The following IFT172 variants were observed in gnomAD, a reference collection of about 807,000 sequenced individuals.
IFT172 encodes intraflagellar transport protein 172 homolog.
In IFT172, 164 loss-of-function variants were observed where a neutral mutation model predicts 248.9. That is an observed-to-expected ratio of 0.66 (90% CI 0.58 to 0.75). The LOEUF (loss-of-function observed/expected upper bound fraction) is 0.75. Among genes scored for constraint, IFT172 ranks in the 30% least tolerant of loss-of-function variants. The pLI is 0.00. For missense variants in IFT172, 1,950 were observed against 2,192.4 expected (o/e 0.89, Z 2.21); for synonymous variants, 729 against 791.6 (o/e 0.92, Z 1.33).
Position 27,458,878 on chromosome 2 carries a change from A to T in IFT172, c.2788-10T>A. The T allele has an allele frequency of 6.2e-7, 1 of 1,613,748 alleles. No homozygotes were observed. Among genetic ancestry groups the T allele is most frequent in the Non-Finnish European group, 8.5e-7 (1 of 1,179,902 alleles). ...AGAGCTCCTCAGCAATCTGTAGTTG[A>T]TGGGAGGTAGATACAAAAGGTCAGA... On this transcript the variant is annotated splice_polypyrimidine_tract_variant and intron_variant, in intron 25 of 47. Transcript: ENST00000260570.
Position 27,454,565 on chromosome 2 carries a change from A to G in IFT172, c.3465+2T>C. On this transcript the variant is annotated splice_donor_variant, in intron 31 of 47. Coordinates refer to ENST00000260570, the MANE Select transcript of IFT172 (RefSeq NM_015662.3). LOFTEE classifies it high-confidence loss of function. This position sits in a 1 kb window ranked among gnomAD's most constrained non-coding sequence, Gnocchi z 4.2. ...CGGTCGGGGTCCAAATCACACCCAT[A>G]CCTCATCCTCCAGGAACATAGCATA... 6.2e-7 allele frequency: 1 copy of G among 1,613,804 alleles called. No homozygotes were observed.
intron 12 of IFT172, 39 bp downstream of exon 12, chr2:27,477,520 G>A: frequency 6.9e-7 from 1 of 1,442,084 alleles, no homozygotes; most frequent in Non-Finnish European, 9.8e-7. Flanking sequence ...CTAGAAGGAG[G>A]CTTATCAAGA....
chr2:27,479,752 G>A (rs913096317), intron 9 of IFT172, 148 bp from the exon 10 acceptor site: 4 of 712,178 alleles, frequency 5.6e-6, no homozygotes, highest in East Asian at 2.7e-5. Flanking sequence ...TTACCAAAAG[G>A]AAAGAGGCTA....
At position 27,445,380 on chromosome 2, in the gene IFT172, G is replaced by C; in HGVS notation, c.4984C>G (p.Leu1662Val). Residue 1662 changes from leucine to valine, a missense_variant, in exon 46 of 48, where the codon CTG (leucine) becomes GTG (valine). This residue lies in a region of IFT172 where 620 missense variants were observed against 699.0 expected (regional missense o/e 0.89). Transcript: ENST00000260570. This position sits in a 1 kb window ranked among gnomAD's most constrained non-coding sequence, Gnocchi z 4.4. ...TAGGCGCCACGCTCATCCCGAGGCA[G>C]AACCTGCTCCAGCCGCTGGTCCATG... The part of the protein sequence containing the change: ...VSMDQRLEQV[L>V]PRDERGAYEA... 1.2e-6 allele frequency: 2 copies of C among 1,613,030 alleles called. No individual in the cohort carries two copies. The highest frequency in any genetic ancestry group is 1.7e-6 in the Non-Finnish European group (2 of 1,179,662).
intron 23 of IFT172, among the ~76,000 whole-genome samples, 197 bp downstream of exon 23, chr2:27,460,818 G>T (rs1666595859): frequency 1.5e-5 from 2 of 137,438 alleles, no homozygotes; most frequent in South Asian, 2.7e-4. Context: ...TCCATATGCT[G>T]AACGCTGGTT....
At chr2:27,461,597 T>A in intron 21 of IFT172, 80 bp from the exon 22 acceptor site, 1 of 1,549,262 alleles carries the variant, frequency 6.5e-7, no homozygotes, top group Non-Finnish European at 8.9e-7. Flanking sequence ...AATCCCTCTA[T>A]AACAAGGGGA....
chr2:27,463,121 A>G lies in IFT172; in HGVS notation c.1998T>C (p.Ile666=). ...CATATTCCCGGGATACTTGATCTGC[A>G]ATCTCATTGGTCTCATGCAGGAATC... ...KARFLHETNE[I]ADQVSREYGG... Residue 666 remains isoleucine (I), a synonymous_variant, in exon 19 of 48, where the codon ATT becomes ATC. Transcript: ENST00000260570. 1 of 1,614,206 alleles carries G rather than the reference A, an allele frequency of 6.2e-7. No individual in the cohort carries two copies. The highest frequency in any genetic ancestry group is 1.3e-5 in the African/African-American group (1 of 75,042).
At position 27,445,435 on chromosome 2, in the gene IFT172, TTCTC is replaced by T. The variant is rs587777078; in HGVS notation, c.4925_4928del (p.Arg1642LysfsTer32). 5 of 1,611,018 alleles carry T rather than the reference TTCTC, an allele frequency of 3.1e-6. No individual in the cohort carries two copies. Among genetic ancestry groups the T allele is most frequent in the Non-Finnish European group, 4.2e-6 (5 of 1,178,860 alleles). On this transcript the variant is annotated frameshift_variant, in exon 46 of 48. Coordinates refer to ENST00000260570, the MANE Select transcript of IFT172 (RefSeq NM_015662.3). LOFTEE classifies it high-confidence loss of function. The surrounding 1 kb of genome is among the most constrained non-coding windows in gnomAD (Gnocchi z 4.4). ...CTGTAAGCACCCAGTCTCGAACCTC[TTCTC>T]TCTCAGCCTCCTGGAAAGGACAAGA...
rs369759041 is a variant in IFT172, at chr2:27,458,657, T to C, written c.2877+122A>G. On this transcript the variant is annotated intron_variant, in intron 26 of 47. Transcript: ENST00000260570. ...CTAGGGATCAAAGTGGCTCAGACTGTTTTTTGGTACTCTTTGTCAGCTTTC... is the reference window on the plus strand; with the variant it reads ...CTAGGGATCAAAGTGGCTCAGACTGCTTTTTGGTACTCTTTGTCAGCTTTC... 6 of 1,147,882 alleles carry C rather than the reference T, an allele frequency of 5.2e-6. No individual in the cohort carries two copies. The African/African-American group carries it at 6.2e-5, about 12-fold the overall frequency. The allele number at this position is 1,147,882 out of a possible 1,614,324, so 71.1% of individuals were successfully genotyped here.
intron 4 of IFT172, 103 bp from the exon 5 acceptor site, chr2:27,484,040 T>G: frequency 7.8e-7 from 1 of 1,282,544 alleles, no homozygotes; most frequent in Non-Finnish European, 1.1e-6. Flanking sequence ...CAATCTCCTA[T>G]AGGGAAGGAC....
rs1666003395 is a variant in IFT172, at chr2:27,454,609, G to T, written c.3423C>A (p.Thr1141=). The T allele has an allele frequency of 1.2e-6, 2 of 1,614,026 alleles. No individual in the cohort carries two copies. The highest frequency in any genetic ancestry group is 1.3e-5 in the African/African-American group (1 of 75,000). Residue 1141 remains threonine, a synonymous_variant, in exon 31 of 48, where the codon ACC becomes ACA. Coordinates refer to ENST00000260570, the MANE Select transcript of IFT172 (RefSeq NM_015662.3). The surrounding 1 kb of genome is among the most constrained non-coding windows in gnomAD (Gnocchi z 4.2). ...ELSRLALKHK[T]PEVHLKYAMF... ...TAGCATATTTGAGATGAACCTCGGG[G>T]GTTTTGTGCTTGAGGGCCAGCCGAG...
intron 18 of IFT172, among the ~76,000 whole-genome samples, chr2:27,463,733 C>A (rs575792032): frequency 6.6e-6 from 1 of 152,156 alleles, no homozygotes; most frequent in Non-Finnish European, 1.5e-5. Context: ...GACCTGAATA[C>A]AAGAAAAAGC....
Position 27,480,146 on chromosome 2 carries a change from A to C in IFT172, c.789T>G (p.Leu263=). 6.2e-7 allele frequency: 1 copy of C among 1,613,458 alleles called. No homozygotes were observed. The highest frequency in any genetic ancestry group is 2.2e-5 in the East Asian group (1 of 44,880). ...QSVVLGSYDR[L]RVFNWIPRRS... ...TTCGAGGGATCCAGTTGAACACCCG[A>C]AGCCTGAAATAAAGTATGTGGCTTT... The change falls in exon 9 of 48, where the codon CTT becomes CTG. Residue 263 remains leucine, a synonymous_variant. Transcript: ENST00000260570.
Position 27,445,397 on chromosome 2 carries a change from T to C in IFT172, c.4967A>G (p.Gln1656Arg). The part of the protein sequence containing the change: ...RDWVLTVSMD[Q>R]RLEQVLPRDE... ...CCGAGGCAGAACCTGCTCCAGCCGC[T>C]GGTCCATGGAGACTGTAAGCACCCA... is the stretch of plus-strand genomic sequence containing the variant. The change falls in exon 46 of 48, where the codon CAG becomes CGG. Residue 1656 changes from glutamine (Q) to arginine (R), a missense_variant. This residue lies in a region of IFT172 where 620 missense variants were observed against 699.0 expected (regional missense o/e 0.89). Coordinates refer to ENST00000260570, the MANE Select transcript of IFT172 (RefSeq NM_015662.3). The surrounding 1 kb of genome is among the most constrained non-coding windows in gnomAD (Gnocchi z 4.4). The C allele has an allele frequency of 6.2e-7, 1 of 1,612,880 alleles. No individual in the cohort carries two copies. Among genetic ancestry groups the C allele is most frequent in the Non-Finnish European group, 8.5e-7 (1 of 1,179,554 alleles).
At position 27,477,904 on chromosome 2, in the gene IFT172, A is replaced by G. The variant is rs1668083406; in HGVS notation, c.1167+91T>C. ...CTACACCAGAATGTTAGAACTTCTC[A>G]TGGAGAGCTTACCCCTAGGGATTTT... On this transcript the variant is annotated intron_variant, in intron 11 of 47. Coordinates refer to ENST00000260570, the MANE Select transcript of IFT172 (RefSeq NM_015662.3). 7.3e-6 allele frequency: 11 copies of G among 1,504,376 alleles called. No homozygotes were observed. The South Asian group carries it at 1.4e-4, about 19-fold the overall frequency. The allele number at this position is 1,504,376 out of a possible 1,614,324, so 93.2% of individuals were successfully genotyped here.
intron 25 of IFT172, 100 bp downstream of exon 25, chr2:27,459,278 A>G: frequency 6.9e-7 from 1 of 1,441,038 alleles, no homozygotes; most frequent in Non-Finnish European, 9.4e-7. Flanking sequence ...GAGCCCAGAA[A>G]GAAGGATCTG....
intron 8 of IFT172, among the ~76,000 whole-genome samples, 181 bp from the exon 9 acceptor site, chr2:27,480,330 T>C (rs1446472574): frequency 1.3e-5 from 2 of 151,234 alleles, no homozygotes; most frequent in Non-Finnish European, 2.9e-5. Context: ...GCTGGGAAAA[T>C]CAAGGCAAAA....
In IFT172 at chr2:27,465,789, G is replaced by A; in HGVS notation, c.1786C>T (p.Leu596Phe). Residue 596 changes from leucine to phenylalanine, a missense_variant, in exon 17 of 48, where the codon CTC (leucine) becomes TTC (phenylalanine). By Grantham distance (22) the Leu-to-Phe change is conservative (BLOSUM62 0). Transcript: ENST00000260570. ...TCAATGGCTGTTCCAAACTCGATGA[G>A]GCCCTCATCCAATGTGTAGGCAACA... Reference protein sequence around the residue: ...TTVAYTLDEGLIEFGTAIDDG... With the variant: ...TTVAYTLDEGFIEFGTAIDDG... The A allele has an allele frequency of 1.2e-6, 2 of 1,614,074 alleles. No individual in the cohort carries two copies. The highest frequency in any genetic ancestry group is 1.7e-6 in the Non-Finnish European group (2 of 1,180,008).
chr2:27,462,808 G>A lies in IFT172; in HGVS notation c.2023-15C>T. On this transcript the variant is annotated splice_polypyrimidine_tract_variant and intron_variant, in intron 19 of 47. Transcript: ENST00000260570. ...CCTTCTCCGCCCTGTGGGGGAAAAA[G>A]GAGGTTCTGATTTTTCTGTAGGTGC... 6.2e-7 allele frequency: 1 copy of A among 1,613,232 alleles called. No homozygotes were observed.
Sources: gnomAD v4.1 joint callset for allele counts (sites outside exome capture counted in the v4.1 genomes callset) on GRCh38, gnomAD v4.1.1 for gene constraint, gnomAD v4.1.1 regional missense constraint, Gnocchi (gnomAD v3.1) non-coding constraint, MANE v1.5 for transcripts, NCBI Gene and HGNC (gene_info 2026-07-23, HGNC 2026-07-21) for gene names.